The following CDH12 variants were observed in gnomAD, a reference collection of about 807,000 sequenced individuals.
The protein encoded by CDH12 is cadherin-12.
CDH12 carries 41 observed loss-of-function variants against 74.1 expected under a neutral mutation model. The observed-to-expected ratio is 0.55, with a 90% CI of 0.43 to 0.72. The LOEUF is 0.72. CDH12 is among the 30% of genes least tolerant of loss of function. The probability of loss-of-function intolerance (pLI) is 0.00; values close to 1 mark genes in which losing one functional copy is unlikely to be tolerated. For synonymous variants in CDH12, 399 were observed against 355.0 expected (o/e 1.12, Z -1.39); for missense variants, 945 against 977.2 (o/e 0.97, Z 0.44).
chr5:21,804,077 T>C (rs1747290573), intron 9 of CDH12, among the ~76,000 whole-genome samples: 1 of 152,166 alleles, frequency 6.6e-6, no homozygotes, highest in Non-Finnish European at 1.5e-5. Flanking sequence ...TATTTATGTG[T>C]TTATCTGCTT....
intron 4 of CDH12, among the ~76,000 whole-genome samples, chr5:22,137,685 A>G (rs958103626): frequency 2.0e-5 from 3 of 152,066 alleles, no homozygotes; most frequent in African/African-American, 7.2e-5. Context: ...CTATTTTTAA[A>G]GTAGCCTATT....
intron 2 of CDH12, among the ~76,000 whole-genome samples, chr5:22,431,577 T>C (rs989333948): frequency 2.6e-5 from 4 of 152,232 alleles, no homozygotes; most frequent in African/African-American, 9.6e-5. Flanking sequence ...TTACACAACG[T>C]CAGGCAGGTC....
intron 1 of CDH12, among the ~76,000 whole-genome samples, chr5:22,729,069 T>A (rs1293898205): frequency 6.6e-6 from 1 of 151,866 alleles, no homozygotes; most frequent in East Asian, 1.9e-4. Context: ...TAATGAATGT[T>A]CTATGACTGT....
intron 7 of CDH12, among the ~76,000 whole-genome samples, chr5:21,853,429 A>G (rs1029938513): frequency 4.2e-4 from 63 of 151,690 alleles, no homozygotes; most frequent in African/African-American, 1.5e-3. Flanking sequence ...TCAGGTTTAC[A>G]TAACGGAGTG....
intron 5 of CDH12, among the ~76,000 whole-genome samples, chr5:22,028,589 C>A (rs1032885610): frequency 1.3e-5 from 2 of 152,076 alleles, no homozygotes; most frequent in African/African-American, 4.8e-5. Context: ...GAACTACAAA[C>A]CACTGCTCAA....
At chr5:22,571,501 T>C (rs886303433) in intron 1 of CDH12, among the ~76,000 whole-genome samples, 2 of 152,160 alleles carry the variant, frequency 1.3e-5, no homozygotes, top group African/African-American at 4.8e-5. Flanking sequence ...TAATTTTGTA[T>C]TTTTGGTAGA....
At position 22,336,589 on chromosome 5, in the gene CDH12, G is replaced by A. The variant is rs573552738; in HGVS notation, c.-333+68668C>T. Among the ~76,000 whole-genome samples, 11 of 152,344 alleles carry A rather than the reference G, an allele frequency of 7.2e-5. No homozygotes were observed. The South Asian group carries it at 1.7e-3, about 23-fold the overall frequency. ...TGGCCAAGGTACAGCTTGGGCCATG[G>A]CTTCAGAGGGTGCAAGCCACAAGCC... On this transcript the variant is annotated intron_variant, in intron 3 of 14. Coordinates refer to ENST00000382254, the MANE Select transcript of CDH12 (RefSeq NM_004061.5).
At chr5:21,853,620 A>G (rs1750592532) in intron 7 of CDH12, among the ~76,000 whole-genome samples, 1 of 151,670 alleles carries the variant, frequency 6.6e-6, no homozygotes, top group Admixed American at 6.6e-5. Flanking sequence ...ATTAATACAT[A>G]ATTAATTGTT....
chr5:22,734,202 T>C (rs1744571949), intron 1 of CDH12, among the ~76,000 whole-genome samples: 1 of 152,022 alleles, frequency 6.6e-6, no homozygotes, highest in Non-Finnish European at 1.5e-5. Context: ...AGAAATTGTA[T>C]GTATTCAAGA....
At chr5:22,741,967 G>A (rs771720475) in intron 1 of CDH12, among the ~76,000 whole-genome samples, 5 of 152,148 alleles carry the variant, frequency 3.3e-5, no homozygotes, top group Non-Finnish European at 7.4e-5. Context: ...GATCACCTGA[G>A]GTCAGGAGTT....
chr5:22,335,546 C>T (rs1358402506), intron 3 of CDH12, among the ~76,000 whole-genome samples: 1 of 151,800 alleles, frequency 6.6e-6, no homozygotes, highest in Non-Finnish European at 1.5e-5. Flanking sequence ...GGTGGCAACA[C>T]TGCACTCCAG....
At chr5:22,257,775 C>T (rs1378612104) in intron 3 of CDH12, among the ~76,000 whole-genome samples, 3 of 151,874 alleles carry the variant, frequency 2.0e-5, no homozygotes, top group Admixed American at 6.6e-5. Flanking sequence ...GGATTACAGG[C>T]GTGAGCCACG....
At chr5:22,108,922 A>T (rs1461453811) in intron 4 of CDH12, among the ~76,000 whole-genome samples, 1 of 152,216 alleles carries the variant, frequency 6.6e-6, no homozygotes. Context: ...AAAAATATAA[A>T]AATATTACAG....
intron 11 of CDH12, among the ~76,000 whole-genome samples, chr5:21,766,646 G>A (rs1745039806): frequency 6.6e-6 from 1 of 151,806 alleles, no homozygotes; most frequent in Admixed American, 6.6e-5. Context: ...ATCAAGATCT[G>A]TTTCTGTTAT....
In CDH12 at chr5:21,755,851, CAT is replaced by C. The variant is rs1343960773; in HGVS notation, c.1634-11_1634-10del. 6.2e-7 allele frequency: 1 copy of C among 1,613,582 alleles called. No homozygotes were observed. Among genetic ancestry groups the C allele is most frequent in the African/African-American group, 1.3e-5 (1 of 74,910 alleles). On this transcript the variant is annotated splice_polypyrimidine_tract_variant and intron_variant, in intron 13 of 14. Transcript: ENST00000382254. The stretch of plus-strand genomic sequence containing the variant: ...AATCCCCGCTGTGTTGTCTACAAAA[CAT>C]GACATTTATGGTAACATGGTTACTA...
At chr5:22,194,573 C>A (rs1750516920) in intron 4 of CDH12, among the ~76,000 whole-genome samples, 1 of 152,046 alleles carries the variant, frequency 6.6e-6, no homozygotes, top group Non-Finnish European at 1.5e-5. Context: ...CTCAAGAGAT[C>A]CGCCCAGCTC....
At chr5:22,061,737 T>C (rs1580188233) in intron 5 of CDH12, among the ~76,000 whole-genome samples, 4 of 152,150 alleles carry the variant, frequency 2.6e-5, no homozygotes, top group African/African-American at 7.2e-5. Context: ...TGCATGCACA[T>C]ATAAACACAG....
At chr5:22,053,731 C>A (rs1329148851) in intron 5 of CDH12, among the ~76,000 whole-genome samples, 1 of 152,046 alleles carries the variant, frequency 6.6e-6, no homozygotes, top group Non-Finnish European at 1.5e-5. Context: ...AGAAAACACT[C>A]GATGATAGGT....
chr5:22,229,575 G>T (rs1366137639), intron 3 of CDH12, among the ~76,000 whole-genome samples: 6 of 151,998 alleles, frequency 3.9e-5, no homozygotes, highest in Admixed American at 3.9e-4. Context: ...TTTGGTAAAA[G>T]ATTATGTATT....
Sources: allele counts gnomAD v4.1 joint callset (sites outside exome capture counted in the v4.1 genomes callset), GRCh38; gene constraint gnomAD v4.1.1; transcripts MANE v1.5; gene names NCBI Gene and HGNC (gene_info 2026-07-23, HGNC 2026-07-21).